ATG2A: variants seen among roughly 807,000 people sequenced by gnomAD.
The protein encoded by ATG2A is autophagy related 2A, also known as autophagy-related protein 2 homolog A.
Under a neutral mutation model 214.2 loss-of-function variants are expected in ATG2A, and 103 were observed. The ratio of observed to expected loss-of-function variants is 0.48; its 90% CI spans 0.41 to 0.57. The LOEUF is 0.57. Among genes scored for constraint, ATG2A ranks in the 20% least tolerant of loss-of-function variants. The pLI is 0.00. For missense variants in ATG2A, 2,312 were observed against 2,613.2 expected (o/e 0.88, Z 2.51); for synonymous variants, 1,160 against 1,142.1 (o/e 1.02, Z -0.32).
chr11:64,907,957 G>C, intron 16 of ATG2A, 67 bp from the exon 17 acceptor site: 1 of 1,536,938 alleles, frequency 6.5e-7, no homozygotes. Context: ...CCTGTCTCTG[G>C]TCTCAGTCCT....
chr11:64,897,240 C>T (rs1048951533), intron 37 of ATG2A, 172 bp downstream of exon 37: 19 of 755,782 alleles, frequency 2.5e-5, no homozygotes, highest in South Asian at 7.4e-5. Context: ...AGGCTGGTCT[C>T]GAATGCCTGA....
rs138707420 is a variant in ATG2A at position 64,910,575 on chromosome 11, C to T, written c.1707+41G>A. 8.2e-3 allele frequency: 12,830 copies of T among 1,561,318 alleles called. 83 individuals carry two copies. Among genetic ancestry groups the T allele is most frequent in the Non-Finnish European group, 0.01 (11,784 of 1,154,634 alleles). The stretch of plus-strand genomic sequence containing the variant: ...GGCAGAGGCCAGGGTGGGGTCAACA[C>T]GCCATGGGGACAGCCTGGTGGCCTG... On this transcript the variant is annotated intron_variant, in intron 12 of 40. Transcript: ENST00000377264.
chr11:64,915,132 AC>A (rs34205615), intron 1 of ATG2A, among the ~76,000 whole-genome samples: 184 of 36,582 alleles, frequency 5.0e-3, no homozygotes, highest in African/African-American at 0.015. Context: ...GCCAGATGGG[AC>A]CCCCCCCCCC....
In ATG2A at chr11:64,907,367, G is replaced by A; in HGVS notation, c.2720C>T (p.Ser907Leu). ...EDAHFFSVGASGGPQAAAPEA... is the reference protein window; with the variant it reads ...EDAHFFSVGALGGPQAAAPEA... ...AGGGGCAGCGGCCTGTGGGCCACCT[G>A]ATGCCCCCACTGAGAAGAAGTGGGC... The change falls in exon 19 of 41, where the codon TCA (serine) becomes TTA (leucine). Residue 907 changes from serine (S) to leucine (L), a missense_variant. Ser to Leu is a moderately radical substitution (Grantham distance 145, BLOSUM62 -2). Coordinates refer to ENST00000377264, the MANE Select transcript of ATG2A (RefSeq NM_015104.3). 6 of 1,561,772 alleles carry A rather than the reference G, an allele frequency of 3.8e-6. No homozygotes were observed. Among genetic ancestry groups the A allele is most frequent in the Non-Finnish European group, 5.2e-6 (6 of 1,153,248 alleles).
At chr11:64,912,024 C>T (rs772863010) in intron 8 of ATG2A, 42 bp from the exon 9 acceptor site, 1 of 1,613,410 alleles carries the variant, frequency 6.2e-7, no homozygotes, top group Non-Finnish European at 8.5e-7. Flanking sequence ...CCGACCCCAG[C>T]CCCTAGGCTG....
chr11:64,907,118 G>A (rs1180132039), intron 19 of ATG2A, 137 bp downstream of exon 19: 2 of 1,062,946 alleles, frequency 1.9e-6, no homozygotes, highest in Non-Finnish European at 2.6e-6. Context: ...TGGGCAGGCT[G>A]GCGTGGGTGG....
intron 14 of ATG2A, 24 bp downstream of exon 14, chr11:64,909,657 G>C (rs377735887): frequency 6.2e-6 from 10 of 1,604,670 alleles, no homozygotes; most frequent in Middle Eastern, 3.3e-4. Context: ...CTTGCCCCAA[G>C]TTCTGTCACT....
chr11:64,907,044 G>A (rs1944578241), intron 19 of ATG2A, among the ~76,000 whole-genome samples: 2 of 152,216 alleles, frequency 1.3e-5, no homozygotes, highest in South Asian at 2.1e-4. Flanking sequence ...TGCCCATCCC[G>A]ACCCCTAGCA....
chr11:64,900,546 T>C lies in ATG2A; in HGVS notation c.4412A>G (p.Gln1471Arg), dbSNP rs762113071. The C allele has an allele frequency of 3.1e-6, 5 of 1,613,228 alleles. No individual in the cohort carries two copies. In the African/African-American group the frequency reaches 5.3e-5, roughly 17 times the overall value. Reference protein sequence around the residue: ...PNRPQNSWRTQGGSGRQHHVL... With the variant: ...PNRPQNSWRTRGGSGRQHHVL... ...ATGGTGCTGCCGCCCGCTGCCCCCCTGCGTGCGCCATGAGTTCTGGGGCCG... is the reference window on the plus strand; with the variant it reads ...ATGGTGCTGCCGCCCGCTGCCCCCCCGCGTGCGCCATGAGTTCTGGGGCCG... Residue 1471 changes from glutamine to arginine, a missense_variant, in exon 31 of 41, where the codon CAG (glutamine) becomes CGG (arginine). Physicochemically the swap from Gln to Arg is conservative, Grantham distance 43. Coordinates refer to ENST00000377264, the MANE Select transcript of ATG2A (RefSeq NM_015104.3).
intron 1 of ATG2A, among the ~76,000 whole-genome samples, chr11:64,916,426 G>A (rs1032156612): frequency 1.3e-5 from 2 of 152,198 alleles, no homozygotes; most frequent in Non-Finnish European, 2.9e-5. Flanking sequence ...GATCAACACT[G>A]GTACTGACGT....
rs1242760120 is a variant in ATG2A, at chr11:64,909,891, C to A, written c.1897G>T (p.Val633Leu). ...EPLPAMEQQT[V>L]FRLSAPRATL... ...GCCCGGGGTGCAGAGAGCCGAAATA[C>A]CGTCTGCTGCTCCATCGCCGGCAGG... The change falls in exon 14 of 41, where the codon GTA (valine) becomes TTA (leucine). Residue 633 changes from valine (V) to leucine (L), a missense_variant. Physicochemically the swap from Val to Leu is conservative, Grantham distance 32. Coordinates refer to ENST00000377264, the MANE Select transcript of ATG2A (RefSeq NM_015104.3). 1 of 1,606,826 alleles carries A rather than the reference C, an allele frequency of 6.2e-7. No individual in the cohort carries two copies. Among genetic ancestry groups the A allele is most frequent in the African/African-American group, 1.3e-5 (1 of 74,944 alleles).
intron 24 of ATG2A, among the ~76,000 whole-genome samples, chr11:64,905,096 T>G (rs1944495343): frequency 6.6e-6 from 1 of 152,068 alleles, no homozygotes. Context: ...CCTTGTGATC[T>G]GCCTGCCTCA....
chr11:64,913,351 A>T lies in ATG2A; in HGVS notation c.641T>A (p.Val214Glu), dbSNP rs1554966171. Residue 214 changes from valine (V) to glutamate (E), a missense_variant, in exon 5 of 41, where the codon GTG (valine) becomes GAG (glutamate). Val to Glu is a moderately radical substitution (Grantham distance 121). Coordinates refer to ENST00000377264, the MANE Select transcript of ATG2A (RefSeq NM_015104.3). This position sits in a 1 kb window ranked among gnomAD's most constrained non-coding sequence, Gnocchi z 4.3. ...AVRDPSQAPP[V>E]DVHQPPAFLH... ...GAAGGCAGGCGGCTGATGCACGTCC[A>T]CCGGCGGCGCCTGGCTTGGGTCCCG... The T allele has an allele frequency of 2.5e-6, 4 of 1,602,230 alleles. No homozygotes were observed. Among genetic ancestry groups the T allele is most frequent in the Non-Finnish European group, 3.4e-6 (4 of 1,175,830 alleles).
chr11:64,907,578 G>A lies in ATG2A; in HGVS notation c.2594C>T (p.Pro865Leu), dbSNP rs779631331. ...AAAGCTGTCGTGCCAGAAGCCTGAG[G>A]GGCCGGGGAAGCCCGAGGGCTGGGC... The part of the protein sequence containing the change: ...PAAQPSGFPG[P>L]SGFWHDSFKM... Residue 865 changes from proline (P) to leucine (L), a missense_variant, in exon 18 of 41, where the codon CCC becomes CTC. Pro to Leu is a moderately conservative substitution (Grantham distance 98). Transcript: ENST00000377264. 1 of 1,610,452 alleles carries A rather than the reference G, an allele frequency of 6.2e-7. No individual in the cohort carries two copies. The highest frequency in any genetic ancestry group is 8.5e-7 in the Non-Finnish European group (1 of 1,178,824).
chr11:64,896,379 T>C, intron 39 of ATG2A, 83 bp downstream of exon 39: 3 of 1,503,114 alleles, frequency 2.0e-6, no homozygotes, highest in Non-Finnish European at 2.7e-6. Context: ...CTGAGGAGCT[T>C]TGAGGACAGA....
chr11:64,904,002 T>G (rs2136576623), intron 24 of ATG2A, among the ~76,000 whole-genome samples: 1 of 152,314 alleles, frequency 6.6e-6, no homozygotes. Flanking sequence ...TCCCAGCACT[T>G]GGAGAGGCTG....
At position 64,902,349 on chromosome 11, in the gene ATG2A, G is replaced by C. The variant is rs1475830159; in HGVS notation, c.3815C>G (p.Pro1272Arg). ...ESPASLPSCP[P>R]VETALINQRD... ...CTGGTTGATGAGGGCCGTCTCCACT[G>C]GGGGGCACGAGGGCAGAGAGGCAGG... Residue 1272 changes from proline (P) to arginine (R), a missense_variant, in exon 28 of 41, where the codon CCA (proline) becomes CGA (arginine). Physicochemically the swap from Pro to Arg is moderately radical, Grantham distance 103. Coordinates refer to ENST00000377264, the MANE Select transcript of ATG2A (RefSeq NM_015104.3). 3.1e-6 allele frequency: 5 copies of C among 1,603,094 alleles called. No individual in the cohort carries two copies. Among genetic ancestry groups the C allele is most frequent in the East Asian group, 2.3e-5 (1 of 44,438 alleles).
At chr11:64,897,559 C>A in intron 36 of ATG2A, 65 bp from the exon 37 acceptor site, 1 of 1,599,702 alleles carries the variant, frequency 6.3e-7, no homozygotes, top group East Asian at 2.3e-5. Flanking sequence ...CCCATGGGAG[C>A]CACTGGAGAG....
Position 64,913,968 on chromosome 11 carries a change from G to T in ATG2A, c.488-45C>A. The stretch of plus-strand genomic sequence containing the variant: ...TCTCAGGTCAGGTAGAGCAGCAAAG[G>T]GGAGGCAGAATTTCCCATCTGGGCA... On this transcript the variant is annotated intron_variant, in intron 3 of 40. Transcript: ENST00000377264. This position sits in a 1 kb window ranked among gnomAD's most constrained non-coding sequence, Gnocchi z 4.3. 1 of 1,601,576 alleles carries T rather than the reference G, an allele frequency of 6.2e-7. No individual in the cohort carries two copies. Among genetic ancestry groups the T allele is most frequent in the South Asian group, 1.1e-5 (1 of 89,882 alleles).
Sources: allele counts gnomAD v4.1 joint callset (sites outside exome capture counted in the v4.1 genomes callset), GRCh38; gene constraint gnomAD v4.1.1; non-coding constraint Gnocchi (gnomAD v3.1); transcripts MANE v1.5; gene names NCBI Gene and HGNC (gene_info 2026-07-23, HGNC 2026-07-21).